RMDN2: variants seen among roughly 807,000 people sequenced by gnomAD.
The protein encoded by RMDN2 is regulator of microtubule dynamics protein 2.
A neutral mutation model predicts 52.8 loss-of-function variants in RMDN2; 61 were observed. The ratio of observed to expected loss-of-function variants is 1.16; its 90% CI spans 0.94 to 1.43. The LOEUF is 1.43. Ranked by LOEUF, RMDN2 falls within the 40% of genes most tolerant of loss-of-function variation. The pLI is 0.00. For synonymous variants in RMDN2, 180 were observed against 153.1 expected, an observed-to-expected ratio of 1.18 and a Z score of -1.30; for missense variants, 592 against 475.3, an observed-to-expected ratio of 1.25 and a Z score of -2.28.
At chr2:37,990,020 A>T (rs7602011) in intron 6 of RMDN2, among the ~76,000 whole-genome samples, 1 of 150,298 alleles carries the variant, frequency 6.7e-6, no homozygotes, top group South Asian at 2.1e-4. Context: ...GCGGGCGCCT[A>T]TAGTCCCAGC....
chr2:37,928,609 A>T (rs1253206454), intron 1 of RMDN2: 1 of 152,212 alleles, frequency 6.6e-6, no homozygotes, highest in African/African-American at 2.4e-5. Context: ...GCATCTACCC[A>T]CCTATTTAAA....
intron 10 of RMDN2, among the ~76,000 whole-genome samples, chr2:38,052,217 G>C (rs1273789673): frequency 1.3e-5 from 2 of 152,166 alleles, no homozygotes; most frequent in Non-Finnish European, 2.9e-5. Flanking sequence ...CATTGTAACT[G>C]TGGTAAGATG....
At chr2:38,033,624 A>G (rs1680370719) in intron 10 of RMDN2, among the ~76,000 whole-genome samples, 1 of 152,250 alleles carries the variant, frequency 6.6e-6, no homozygotes, top group Non-Finnish European at 1.5e-5. Context: ...CGCATAGATT[A>G]AAAGACTACA....
chr2:38,041,040 A>G (rs530918755), intron 10 of RMDN2, among the ~76,000 whole-genome samples: 1 of 152,296 alleles, frequency 6.6e-6, no homozygotes, highest in Admixed American at 6.5e-5. Flanking sequence ...TAGGAAAGCA[A>G]TTGACTTTTG....
Position 37,929,289 on chromosome 2 carries a change from C to T in RMDN2, c.12C>T (p.Ser4=). The T allele has an allele frequency of 2.0e-6, 3 of 1,517,856 alleles. No individual in the cohort carries two copies. The highest frequency in any genetic ancestry group is 2.7e-6 in the Non-Finnish European group (3 of 1,131,406). 94.0% of individuals were successfully genotyped at this position (1,517,856 alleles called of 1,614,324 possible). ...ACGAAAACCAAGAAATGCCTTATTC[C>T]ACAAACAAAGAGTTGATACTTGGCA... MPY[S]TNKELILGIM... is the part of the protein sequence containing the mutation. Residue 4 remains serine (S), a synonymous_variant, in exon 2 of 11, where the codon TCC becomes TCT. Coordinates refer to ENST00000354545, the MANE Select transcript of RMDN2 (RefSeq NM_001170791.3).
chr2:37,990,364 C>G (rs1414154383), intron 6 of RMDN2, among the ~76,000 whole-genome samples: 1 of 148,166 alleles, frequency 6.7e-6, no homozygotes, highest in Non-Finnish European at 1.5e-5. Flanking sequence ...ACTAAAAATA[C>G]AAAAATTAGC....
At chr2:38,060,000 T>A (rs1389487251) in intron 10 of RMDN2, among the ~76,000 whole-genome samples, 1 of 152,108 alleles carries the variant, frequency 6.6e-6, no homozygotes, top group Non-Finnish European at 1.5e-5. Flanking sequence ...CAGGTTCAAA[T>A]GATTTTCCTG....
chr2:37,997,268 T>C, intron 7 of RMDN2, 148 bp from the exon 8 acceptor site: 1 of 630,798 alleles, frequency 1.6e-6, no homozygotes. Flanking sequence ...ATATATATTA[T>C]TTATGGATAT....
At chr2:37,960,600 G>A (rs1384292469) in intron 2 of RMDN2, among the ~76,000 whole-genome samples, 1 of 152,008 alleles carries the variant, frequency 6.6e-6, no homozygotes, top group Admixed American at 6.6e-5. Context: ...TATCCAATTT[G>A]CCAGTCTGTG....
chr2:37,945,687 C>A (rs546239878), intron 2 of RMDN2, among the ~76,000 whole-genome samples: 23 of 152,276 alleles, frequency 1.5e-4, no homozygotes, highest in Admixed American at 1.2e-3. Flanking sequence ...ATAATTTTTT[C>A]CAGATCCTGT....
At chr2:37,931,273 G>A (rs1666718744) in intron 2 of RMDN2, among the ~76,000 whole-genome samples, 1 of 152,270 alleles carries the variant, frequency 6.6e-6, no homozygotes, top group Non-Finnish European at 1.5e-5. Flanking sequence ...AAGAGACCTA[G>A]TAGTTATTTA....
chr2:37,960,235 A>G (rs1670024290), intron 2 of RMDN2, among the ~76,000 whole-genome samples: 1 of 152,110 alleles, frequency 6.6e-6, no homozygotes, highest in Non-Finnish European at 1.5e-5. Context: ...TAACATTGAC[A>G]ATGGGGTTTT....
rs1364590840 is a variant in RMDN2, at chr2:37,927,537, C to T, written c.-16-1725C>T. On this transcript the variant is annotated intron_variant, in intron 1 of 10. Coordinates refer to ENST00000354545, the MANE Select transcript of RMDN2 (RefSeq NM_001170791.3). ...GTAGATTTTTACTTCTACTTATTTG[C>T]TTATTAAATGAAAATATTTTCAAAC... Among the ~76,000 whole-genome samples the T allele has an allele frequency of 3.9e-5, 6 of 152,158 alleles. No homozygotes were observed. The East Asian group carries it at 1.2e-3, about 29-fold the overall frequency.
intron 5 of RMDN2, among the ~76,000 whole-genome samples, chr2:37,987,634 G>T (rs1263193993): frequency 1.3e-5 from 2 of 152,288 alleles, no homozygotes; most frequent in Admixed American, 1.3e-4. Flanking sequence ...TTATACATTT[G>T]TCAAAACCCA....
In RMDN2 at chr2:37,981,303, G is replaced by A. The variant is rs1673278922; in HGVS notation, c.751G>A (p.Ala251Thr). The change falls in exon 5 of 11, where the codon GCT becomes ACT. Residue 251 changes from alanine to threonine, a missense_variant. By Grantham distance (58) the Ala-to-Thr change is moderately conservative (BLOSUM62 0). Coordinates refer to ENST00000354545, the MANE Select transcript of RMDN2 (RefSeq NM_001170791.3). ...ANIGKTLSER[A>T]INRAPMNGHC... ...TTCAGGAAAAACTTTAAGTGAAAGAGCTATTAATAGAGCACCCATGAATGG... is the reference window on the plus strand; with the variant it reads ...TTCAGGAAAAACTTTAAGTGAAAGAACTATTAATAGAGCACCCATGAATGG... 6.2e-7 allele frequency: 1 copy of A among 1,604,818 alleles called. No individual in the cohort carries two copies. The highest frequency in any genetic ancestry group is 8.5e-7 in the Non-Finnish European group (1 of 1,171,524).
intron 10 of RMDN2, among the ~76,000 whole-genome samples, chr2:38,043,215 G>A (rs1239781889): frequency 6.6e-6 from 1 of 152,104 alleles, no homozygotes; most frequent in Non-Finnish European, 1.5e-5. Context: ...TGTCTTCTTG[G>A]AGAATTGTCC....
chr2:38,038,014 T>C (rs1680701323), intron 10 of RMDN2, among the ~76,000 whole-genome samples: 1 of 152,178 alleles, frequency 6.6e-6, no homozygotes, highest in South Asian at 2.1e-4. Flanking sequence ...TGGTGTTTGC[T>C]TTGCTTGCAA....
chr2:37,981,347 A>C lies in RMDN2; in HGVS notation c.791+4A>C. 6.3e-7 allele frequency: 1 copy of C among 1,589,028 alleles called. No individual in the cohort carries two copies. The highest frequency in any genetic ancestry group is 2.2e-5 in the East Asian group (1 of 44,694). On this transcript the variant is annotated splice_donor_region_variant and intron_variant, in intron 5 of 10. Coordinates refer to ENST00000354545, the MANE Select transcript of RMDN2 (RefSeq NM_001170791.3). The stretch of plus-strand genomic sequence containing the variant: ...TGAATGGACATTGTCATCTGTGGTA[A>C]GTGTATAGGATTTATGCAGTCTTTT...
chr2:38,031,300 T>G (rs1680186110), intron 10 of RMDN2, among the ~76,000 whole-genome samples: 1 of 148,906 alleles, frequency 6.7e-6, no homozygotes, highest in South Asian at 2.2e-4. Context: ...TCTTGCCATG[T>G]TGCCCAGGCT....
Sources: gnomAD v4.1 joint callset for allele counts (sites outside exome capture counted in the v4.1 genomes callset) on GRCh38, gnomAD v4.1.1 for gene constraint, MANE v1.5 for transcripts, NCBI Gene and HGNC (gene_info 2026-07-23, HGNC 2026-07-21) for gene names.